The following AHCYL2 variants were observed in gnomAD, a reference collection of about 807,000 sequenced individuals.
AHCYL2 encodes the protein S-adenosylhomocysteine hydrolase-like protein 2.
AHCYL2 carries 28 observed loss-of-function variants against 81.4 expected under a neutral mutation model. The observed-to-expected ratio is 0.34, with a 90% CI of 0.25 to 0.47. The LOEUF (loss-of-function observed/expected upper bound fraction) is 0.47. Among genes scored for constraint, AHCYL2 ranks in the 20% least tolerant of loss-of-function variants. The probability of loss-of-function intolerance (pLI) is 1.00; values close to 1 mark genes in which losing one functional copy is unlikely to be tolerated. For missense variants in AHCYL2, 551 were observed against 785.1 expected (o/e 0.70, Z 3.56); for synonymous variants, 272 against 290.2 (o/e 0.94, Z 0.64).
chr7:129,424,861 C>A lies in AHCYL2; in HGVS notation c.1561-13C>A, dbSNP rs767081133. The A allele has an allele frequency of 1.2e-6, 2 of 1,612,394 alleles. No individual in the cohort carries two copies. On this transcript the variant is annotated splice_polypyrimidine_tract_variant and intron_variant, in intron 13 of 16. Transcript: ENST00000325006. The stretch of plus-strand genomic sequence containing the variant: ...TGTCCTAATCCATTTGTGTCTTCAC[C>A]TTTGATCACTAGGGCCGCCTGCTGA...
intron 1 of AHCYL2, among the ~76,000 whole-genome samples, chr7:129,314,207 C>T (rs573763377): frequency 1.3e-5 from 2 of 152,206 alleles, no homozygotes; most frequent in Non-Finnish European, 2.9e-5. Context: ...CAGAGGTCTT[C>T]CCATAAATCT....
At chr7:129,290,210 A>G (rs999474929) in intron 1 of AHCYL2, among the ~76,000 whole-genome samples, 7 of 152,230 alleles carry the variant, frequency 4.6e-5, no homozygotes, top group Non-Finnish European at 1.5e-5. Context: ...GCATTTAAAA[A>G]TAAGAGCTAG....
chr7:129,410,187 T>A, intron 11 of AHCYL2: 1 of 1,612,138 alleles, frequency 6.2e-7, no homozygotes, highest in Non-Finnish European at 8.5e-7. Flanking sequence ...ATCCGATCAT[T>A]GATCATTTGT....
Position 129,426,312 on chromosome 7 carries a change from G to A in AHCYL2, c.1709-131G>A. The A allele has an allele frequency of 7.1e-7, 1 of 1,401,024 alleles. No homozygotes were observed. Among genetic ancestry groups the A allele is most frequent in the Non-Finnish European group, 1.0e-6 (1 of 995,208 alleles). 86.8% of individuals were successfully genotyped at this position (1,401,024 alleles called of 1,614,324 possible). ...TTAGAATTGAGGACCAGTGAGCGAAGGTTGAACATTTTTCATTCAGCTCCA... is the reference window on the plus strand; with the variant it reads ...TTAGAATTGAGGACCAGTGAGCGAAAGTTGAACATTTTTCATTCAGCTCCA... On this transcript the variant is annotated intron_variant, in intron 15 of 16. Transcript: ENST00000325006. The surrounding 1 kb of genome is among the most constrained non-coding windows in gnomAD (Gnocchi z 4.3).
intron 1 of AHCYL2, among the ~76,000 whole-genome samples, chr7:129,330,460 A>G (rs1584790475): frequency 6.6e-6 from 1 of 151,150 alleles, no homozygotes; most frequent in East Asian, 1.9e-4. Flanking sequence ...TTTCCAGGAT[A>G]CTCTGGTACA....
At chr7:129,373,998 AG>A (rs2150870013) in intron 1 of AHCYL2, among the ~76,000 whole-genome samples, 1 of 152,352 alleles carries the variant, frequency 6.6e-6, no homozygotes, top group African/African-American at 2.4e-5. Flanking sequence ...AAGAGCTGTT[AG>A]AGTTCTAATT....
At chr7:129,351,916 C>T (rs1293415479) in intron 1 of AHCYL2, among the ~76,000 whole-genome samples, 2 of 152,118 alleles carry the variant, frequency 1.3e-5, no homozygotes, top group Non-Finnish European at 2.9e-5. Flanking sequence ...TAATTAATAA[C>T]CATTAGTTAT....
chr7:129,296,351 T>A (rs1368451466), intron 1 of AHCYL2, among the ~76,000 whole-genome samples: 1 of 152,186 alleles, frequency 6.6e-6, no homozygotes, highest in Non-Finnish European at 1.5e-5. Context: ...TCCCAAAGAA[T>A]CACAAACATC....
At chr7:129,317,753 T>G (rs1797875296) in intron 1 of AHCYL2, among the ~76,000 whole-genome samples, 1 of 152,326 alleles carries the variant, frequency 6.6e-6, no homozygotes, top group African/African-American at 2.4e-5. Context: ...ACACATCTTC[T>G]TGGTTACTAC....
chr7:129,409,599 C>A, intron 11 of AHCYL2, 53 bp downstream of exon 11: 2 of 1,436,856 alleles, frequency 1.4e-6, no homozygotes, highest in East Asian at 2.3e-5. Context: ...TTTTATGGAG[C>A]AGGTGCAAGA....
chr7:129,305,228 G>A lies in AHCYL2; in HGVS notation c.364-74410G>A, dbSNP rs571031882. Among the ~76,000 whole-genome samples the A allele has an allele frequency of 1.1e-4, 17 of 152,284 alleles. No individual in the cohort carries two copies. In the South Asian group the frequency reaches 1.2e-3, roughly 11 times the overall value. ...TGTAATCCCAGCACTTTGGGAGGCC[G>A]AGGCGGGCAGATCACGAGGTCAAGA... On this transcript the variant is annotated intron_variant, in intron 1 of 16. Coordinates refer to ENST00000325006, the MANE Select transcript of AHCYL2 (RefSeq NM_015328.4).
intron 1 of AHCYL2, among the ~76,000 whole-genome samples, chr7:129,261,296 C>T (rs1795631810): frequency 6.6e-6 from 1 of 152,056 alleles, no homozygotes; most frequent in Non-Finnish European, 1.5e-5. Flanking sequence ...AATTTATAAG[C>T]TACCATTTAA....
intron 1 of AHCYL2, among the ~76,000 whole-genome samples, chr7:129,330,067 C>T (rs534475004): frequency 1.4e-4 from 22 of 152,290 alleles, no homozygotes; most frequent in African/African-American, 4.1e-4. Context: ...TACAGAGGCA[C>T]GATCATAGGT....
At chr7:129,294,638 A>G (rs905429607) in intron 1 of AHCYL2, among the ~76,000 whole-genome samples, 3 of 152,164 alleles carry the variant, frequency 2.0e-5, no homozygotes, top group African/African-American at 7.2e-5. Context: ...ATGTTAATCT[A>G]TATCCACCAC....
At chr7:129,357,829 G>A (rs1214862156) in intron 1 of AHCYL2, among the ~76,000 whole-genome samples, 5 of 151,684 alleles carry the variant, frequency 3.3e-5, no homozygotes, top group Non-Finnish European at 5.9e-5. Context: ...AGCTACTTGG[G>A]AGGCTGAGGC....
chr7:129,296,659 A>G (rs1055044307), intron 1 of AHCYL2, among the ~76,000 whole-genome samples: 1 of 152,192 alleles, frequency 6.6e-6, no homozygotes, highest in Non-Finnish European at 1.5e-5. Context: ...ACAGTGAGCT[A>G]TGATCATGTC....
chr7:129,258,487 C>T (rs1343807946), intron 1 of AHCYL2, among the ~76,000 whole-genome samples: 1 of 150,994 alleles, frequency 6.6e-6, no homozygotes, highest in Non-Finnish European at 1.5e-5. Context: ...CTTGGAATGC[C>T]AATAGTTGGA....
At chr7:129,286,009 G>A (rs1401379032) in intron 1 of AHCYL2, among the ~76,000 whole-genome samples, 1 of 151,916 alleles carries the variant, frequency 6.6e-6, no homozygotes, top group East Asian at 1.9e-4. Context: ...ACCATGCCTG[G>A]CCTAAATCCT....
intron 1 of AHCYL2, among the ~76,000 whole-genome samples, chr7:129,268,073 C>T (rs1795880334): frequency 6.6e-6 from 1 of 152,084 alleles, no homozygotes; most frequent in South Asian, 2.1e-4. Context: ...CCTTTTTACT[C>T]CTAGTTCTAC....
Sources: gnomAD v4.1 joint callset for allele counts (sites outside exome capture counted in the v4.1 genomes callset) on GRCh38, gnomAD v4.1.1 for gene constraint, Gnocchi (gnomAD v3.1) non-coding constraint, MANE v1.5 for transcripts, NCBI Gene and HGNC (gene_info 2026-07-23, HGNC 2026-07-21) for gene names.